Variants in MTM1 observed in about 807,000 individuals in gnomAD.
The protein encoded by MTM1 is myotubularin 1.
Under a neutral mutation model 52.1 loss-of-function variants are expected in MTM1, and 9 were observed. That is an observed-to-expected ratio of 0.17 (90% CI 0.10 to 0.30). MTM1 has a LOEUF of 0.30. MTM1 is among the 10% of genes least tolerant of loss of function. The pLI is 1.00. For missense variants in MTM1, 277 were observed against 470.7 expected, an observed-to-expected ratio of 0.59 and a Z score of 3.81; for synonymous variants, 136 against 163.8, an observed-to-expected ratio of 0.83 and a Z score of 1.29.
chrX:150,627,268 T>A (rs782751549), intron 6 of MTM1, among the ~76,000 whole-genome samples: 1 of 111,736 alleles, frequency 8.9e-6, no homozygotes, highest in South Asian at 3.8e-4. Context: ...CTGTCAACTA[T>A]CCCACCCCTT....
rs1054505197 is a variant in MTM1 at position 150,645,537 on chromosome X, G to T, written c.679-146G>T. On this transcript the variant is annotated intron_variant, in intron 8 of 14. Transcript: ENST00000370396. ...GCATGTCTCTGGGCACACACACGCA[G>T]TGAGATTGCAAGTGAACAAGTATTC... 1.1e-5 allele frequency: 6 copies of T among 527,985 alleles called. No individual in the cohort carries two copies. The Admixed American group carries it at 1.7e-4, about 15-fold the overall frequency. 43.5% of individuals were successfully genotyped at this position (527,985 alleles called of 1,213,427 possible). A position where few individuals can be genotyped will look rare whatever the true frequency, so the allele number is the denominator to read the frequency against.
At chrX:150,602,625 A>T (rs782239493) in intron 4 of MTM1, among the ~76,000 whole-genome samples, 10 of 111,835 alleles carry the variant, frequency 8.9e-5, no homozygotes, top group Non-Finnish European at 1.7e-4. Context: ...TCCCATAGCT[A>T]CCTTTTGGCC....
rs1218559931 is a variant in MTM1 at position 150,583,182 on chromosome X, T to A, written c.-10-9423T>A. Among the ~76,000 whole-genome samples, 125 of 74,156 alleles carry A rather than the reference T, an allele frequency of 1.7e-3. 1 individual carries two copies. The highest frequency in any genetic ancestry group is 6.6e-3 in the African/African-American group (119 of 18,077). The allele number at this position is 74,156 out of a possible 115,157, so 64.4% of individuals were successfully genotyped here. A position where few individuals can be genotyped will look rare whatever the true frequency, so the allele number is the denominator to read the frequency against. On this transcript the variant is annotated intron_variant, in intron 1 of 14. Transcript: ENST00000370396. ...TTATATATATTATATAAATTATAAA[T>A]ATATATAAATTATATATAAATTATA...
chrX:150,587,479 A>G (rs1232832939), intron 1 of MTM1, among the ~76,000 whole-genome samples: 1 of 112,036 alleles, frequency 8.9e-6, no homozygotes, highest in Non-Finnish European at 1.9e-5. Flanking sequence ...ATGTATAAAA[A>G]TGAACCAAAC....
At chrX:150,603,208 T>G (rs2039096270) in intron 4 of MTM1, among the ~76,000 whole-genome samples, 1 of 111,988 alleles carries the variant, frequency 8.9e-6, no homozygotes, top group African/African-American at 3.2e-5. Context: ...CCATTTGTTA[T>G]GAAGATGGTT....
intron 4 of MTM1, among the ~76,000 whole-genome samples, chrX:150,601,039 T>C (rs1475962163): frequency 1.8e-5 from 2 of 112,288 alleles, no homozygotes; most frequent in East Asian, 2.8e-4. Flanking sequence ...GGATTATGCA[T>C]GTCTTGTCTT....
At chrX:150,570,755 T>G (rs990927018) in intron 1 of MTM1, among the ~76,000 whole-genome samples, 1 of 111,609 alleles carries the variant, frequency 9.0e-6, no homozygotes, top group African/African-American at 3.3e-5. Context: ...TCATCAGTCC[T>G]TGTGTGGTTT....
chrX:150,639,722 A>G (rs1242149958), intron 7 of MTM1, among the ~76,000 whole-genome samples: 4 of 112,449 alleles, frequency 3.6e-5, no homozygotes, highest in Non-Finnish European at 7.5e-5. Flanking sequence ...GGCAGCTAGG[A>G]GTTGTGTGAT....
intron 11 of MTM1, 107 bp downstream of exon 11, chrX:150,658,134 A>G (rs782267699): frequency 2.9e-6 from 2 of 697,398 alleles, no homozygotes; most frequent in South Asian, 5.1e-5. Context: ...TGAGGAGTGT[A>G]ATAAAAACTT....
At chrX:150,669,773 AC>A (rs1291491297) in intron 14 of MTM1, among the ~76,000 whole-genome samples, 1 of 111,911 alleles carries the variant, frequency 8.9e-6, no homozygotes, top group East Asian at 2.8e-4. Context: ...TGAATATTAG[AC>A]CTTTGTCAGA....
chrX:150,651,576 G>A (rs1354816790), intron 10 of MTM1, among the ~76,000 whole-genome samples: 2 of 109,113 alleles, frequency 1.8e-5, no homozygotes, highest in Non-Finnish European at 3.8e-5. Flanking sequence ...ATTTGATTGG[G>A]ACCTTGGTCA....
chrX:150,580,652 T>C (rs2038565158), intron 1 of MTM1, among the ~76,000 whole-genome samples: 1 of 111,290 alleles, frequency 9.0e-6, no homozygotes, highest in Non-Finnish European at 1.9e-5. Flanking sequence ...GGATACGTGG[T>C]TGTTTGTATT....
chrX:150,601,830 A>G (rs1424720498), intron 4 of MTM1, among the ~76,000 whole-genome samples: 1 of 112,322 alleles, frequency 8.9e-6, no homozygotes, highest in Non-Finnish European at 1.9e-5. Flanking sequence ...TTCTCTTGGT[A>G]TGGCCTAAAA....
At chrX:150,652,636 C>T (rs1489401573) in intron 10 of MTM1, among the ~76,000 whole-genome samples, 10 of 75,883 alleles carry the variant, frequency 1.3e-4, no homozygotes, top group African/African-American at 4.3e-5. Flanking sequence ...CATATATATA[C>T]GTGTGTGTGT....
At chrX:150,602,265 T>G (rs2148438636) in intron 4 of MTM1, among the ~76,000 whole-genome samples, 1 of 112,730 alleles carries the variant, frequency 8.9e-6, no homozygotes, top group Non-Finnish European at 1.9e-5. Flanking sequence ...CAAGGATGCT[T>G]GTCTGTCTAT....
At chrX:150,666,877 A>G (rs1248540374) in intron 14 of MTM1, among the ~76,000 whole-genome samples, 1 of 111,303 alleles carries the variant, frequency 9.0e-6, no homozygotes, top group Non-Finnish European at 1.9e-5. Context: ...CCCCATGTCC[A>G]ATCAATCTGT....
chrX:150,638,251 T>C (rs1557413744), intron 6 of MTM1, among the ~76,000 whole-genome samples: 1 of 111,686 alleles, frequency 9.0e-6, no homozygotes, highest in African/African-American at 3.3e-5. Flanking sequence ...TTAGGCAGTC[T>C]GGTGGGGTGG....
At chrX:150,642,891 G>A (rs2039872378) in intron 8 of MTM1, among the ~76,000 whole-genome samples, 1 of 111,980 alleles carries the variant, frequency 8.9e-6, no homozygotes, top group South Asian at 3.7e-4. Flanking sequence ...GAATGAATGA[G>A]TGTCTACTGT....
intron 8 of MTM1, among the ~76,000 whole-genome samples, chrX:150,643,908 T>G (rs782334779): frequency 9.0e-6 from 1 of 111,467 alleles, no homozygotes; most frequent in South Asian, 3.8e-4. Context: ...GAACATTATT[T>G]GTACCTGTTT....
Sources: allele counts gnomAD v4.1 joint callset (sites outside exome capture counted in the v4.1 genomes callset), GRCh38; gene constraint gnomAD v4.1.1; transcripts MANE v1.5; gene names NCBI Gene and HGNC (gene_info 2026-07-23, HGNC 2026-07-21).